Variants in RORA observed in about 807,000 individuals in gnomAD.
The protein encoded by RORA is nuclear receptor ROR-alpha.
In RORA, 7 loss-of-function variants were observed where a neutral mutation model predicts 69.5. That is an observed-to-expected ratio of 0.10 (90% CI 0.06 to 0.19). RORA has a LOEUF of 0.19. Among genes scored for constraint, RORA ranks in the 10% least tolerant of loss-of-function variants. RORA has a pLI of 1.00. For synonymous variants in RORA, 261 were observed against 240.8 expected, an observed-to-expected ratio of 1.08 and a Z score of -0.78; for missense variants, 457 against 663.0, an observed-to-expected ratio of 0.69 and a Z score of 3.41.
chr15:60,600,673 T>G (rs114948586), intron 2 of RORA, among the ~76,000 whole-genome samples: 309 of 152,314 alleles, frequency 2.0e-3, no homozygotes, highest in African/African-American at 6.9e-3. Flanking sequence ...TCTTAAAATC[T>G]CTTCCTACAT....
At chr15:60,592,876 C>A (rs1399442214) in intron 2 of RORA, 2 of 460,764 alleles carry the variant, frequency 4.3e-6, no homozygotes, top group Admixed American at 2.4e-5. Flanking sequence ...TTTCTGCCCC[C>A]ACTCGGTGGG....
chr15:60,516,169 ATATT>A (rs2065926452), intron 3 of RORA, among the ~76,000 whole-genome samples: 2 of 35,230 alleles, frequency 5.7e-5, no homozygotes, highest in Non-Finnish European at 9.6e-5. Context: ...ATTTATATAT[ATATT>A]TATATATATA....
chr15:60,758,562 G>T (rs1171416372), intron 1 of RORA, among the ~76,000 whole-genome samples: 2 of 152,136 alleles, frequency 1.3e-5, no homozygotes, highest in Non-Finnish European at 2.9e-5. Flanking sequence ...CAGTTGGGGA[G>T]TGGGAATTTT....
intron 1 of RORA, among the ~76,000 whole-genome samples, chr15:60,824,895 A>G (rs1002366756): frequency 3.3e-5 from 5 of 152,246 alleles, no homozygotes; most frequent in African/African-American, 1.2e-4. Flanking sequence ...CAAGGACAAA[A>G]TAACCTAATG....
At chr15:60,543,332 CA>C (rs1359237230) in intron 2 of RORA, among the ~76,000 whole-genome samples, 1 of 151,920 alleles carries the variant, frequency 6.6e-6, no homozygotes, top group Non-Finnish European at 1.5e-5. Context: ...AGAACTTGGA[CA>C]CTTTCTTAAT....
At chr15:60,706,754 G>A (rs191645525) in intron 1 of RORA, among the ~76,000 whole-genome samples, 2 of 152,246 alleles carry the variant, frequency 1.3e-5, no homozygotes, top group African/African-American at 4.8e-5. Flanking sequence ...CAAAGAGGGA[G>A]CAAACCTTAA....
chr15:60,969,184 G>A (rs1295012515), intron 1 of RORA, among the ~76,000 whole-genome samples: 1 of 152,126 alleles, frequency 6.6e-6, no homozygotes, highest in East Asian at 1.9e-4. Context: ...AGACTGTCAA[G>A]CTTCTCCACT....
chr15:61,036,130 T>C (rs542590644), intron 1 of RORA, among the ~76,000 whole-genome samples: 252 of 152,140 alleles, frequency 1.7e-3, no homozygotes, highest in Non-Finnish European at 3.0e-3. Flanking sequence ...CCCAGAAGCA[T>C]AAGCCTCTTA....
At chr15:60,497,784 C>T (rs1330486117) in intron 10 of RORA, among the ~76,000 whole-genome samples, 165 bp from the exon 11 acceptor site, 6 of 151,978 alleles carry the variant, frequency 3.9e-5, no homozygotes, top group African/African-American at 1.2e-4. Context: ...GATGGCTGGG[C>T]GCGGTGGCTC....
chr15:60,888,967 C>A (rs113661026), intron 1 of RORA, among the ~76,000 whole-genome samples: 6 of 152,282 alleles, frequency 3.9e-5, no homozygotes, highest in Middle Eastern at 3.4e-3. Context: ...AAAAACAATG[C>A]GTCTTCAATT....
At chr15:60,997,037 GT>G (rs1171661450) in intron 1 of RORA, among the ~76,000 whole-genome samples, 2 of 135,764 alleles carry the variant, frequency 1.5e-5, no homozygotes, top group African/African-American at 6.1e-5. Flanking sequence ...TGATATTGGG[GT>G]TTGTGTGTGT....
intron 1 of RORA, among the ~76,000 whole-genome samples, chr15:61,117,899 A>C (rs1476257775): frequency 2.0e-5 from 3 of 152,214 alleles, no homozygotes; most frequent in Non-Finnish European, 4.4e-5. Context: ...AAACATACAA[A>C]AGAATTAGCT....
chr15:61,226,191 C>A lies in RORA; in HGVS notation c.166+2862G>T, dbSNP rs1336542108. Among the ~76,000 whole-genome samples the A allele has an allele frequency of 1.3e-5, 2 of 152,190 alleles. No individual in the cohort carries two copies. The highest frequency in any genetic ancestry group is 2.4e-5 in the African/African-American group (1 of 41,448). ...GAATTCAGACCACAATTTCTGTGGA[C>A]TTCAAACACTGACTGGGTAGAAGCT... On this transcript the variant is annotated intron_variant, in intron 1 of 10. Transcript: ENST00000335670. The surrounding 1 kb of genome is among the most constrained non-coding windows in gnomAD (Gnocchi z 4.2).
At chr15:60,737,146 G>A (rs2071512247) in intron 1 of RORA, among the ~76,000 whole-genome samples, 1 of 152,172 alleles carries the variant, frequency 6.6e-6, no homozygotes, top group Non-Finnish European at 1.5e-5. Flanking sequence ...TGGGTGGTTA[G>A]GGAAGGTATC....
At chr15:60,738,820 A>G (rs1209780947) in intron 1 of RORA, among the ~76,000 whole-genome samples, 3 of 152,222 alleles carry the variant, frequency 2.0e-5, no homozygotes, top group Non-Finnish European at 4.4e-5. Context: ...TGGCAGGGCC[A>G]TGCTTCCTTT....
rs11451387 is a variant in RORA at position 60,985,582 on chromosome 15, C to CTTTT, written c.166+243467_166+243470dup. 1.0e-2 allele frequency among the ~76,000 whole-genome samples: 1,005 copies of CTTTT among 100,662 alleles called. 71 individuals carry two copies. The highest frequency in any genetic ancestry group is 0.025 in the African/African-American group (598 of 24,322). 66.0% of individuals were successfully genotyped at this position (100,662 alleles called of 152,430 possible). ...TTGTGCTAGGTAAGAAACTCATCCT[C>CTTTT]TTTTTTTTTTTTTTTTTTTTTGAGA... On this transcript the variant is annotated intron_variant, in intron 1 of 10. Coordinates refer to ENST00000335670, the MANE Select transcript of RORA (RefSeq NM_134261.3).
chr15:60,817,693 G>A (rs1039078470), intron 1 of RORA, among the ~76,000 whole-genome samples: 1 of 152,178 alleles, frequency 6.6e-6, no homozygotes, highest in Non-Finnish European at 1.5e-5. Context: ...CCAGGTACAC[G>A]TTACTGCCTT....
At chr15:61,216,589 G>C (rs2080042801) in intron 1 of RORA, among the ~76,000 whole-genome samples, 1 of 152,134 alleles carries the variant, frequency 6.6e-6, no homozygotes, top group African/African-American at 2.4e-5. Context: ...GAGAGCACCA[G>C]GGCAAGGTGG....
intron 1 of RORA, among the ~76,000 whole-genome samples, chr15:60,882,709 C>T (rs143230482): frequency 6.6e-6 from 1 of 151,754 alleles, no homozygotes; most frequent in African/African-American, 2.4e-5. Context: ...CACACCTAGA[C>T]GTAACTGGTG....
Sources: allele counts gnomAD v4.1 joint callset (sites outside exome capture counted in the v4.1 genomes callset), GRCh38; gene constraint gnomAD v4.1.1; non-coding constraint Gnocchi (gnomAD v3.1); transcripts MANE v1.5; gene names NCBI Gene and HGNC (gene_info 2026-07-23, HGNC 2026-07-21).